Variants in SYNE2 observed in about 807,000 individuals in gnomAD.
SYNE2 encodes nesprin-2.
In SYNE2, 431 loss-of-function variants were observed where a neutral mutation model predicts 856.3. The observed-to-expected ratio is 0.50, with a 90% CI of 0.47 to 0.55. The LOEUF is 0.55. SYNE2 is among the 20% of genes least tolerant of loss of function. The probability of loss-of-function intolerance (pLI) is 0.00; values close to 1 mark genes in which losing one functional copy is unlikely to be tolerated. For missense variants in SYNE2, 8,129 were observed against 8,023.2 expected (o/e 1.01, Z -0.50); for synonymous variants, 2,923 against 2,872.3 (o/e 1.02, Z -0.56).
intron 1 of SYNE2, among the ~76,000 whole-genome samples, chr14:63,764,365 A>C (rs1233789393): frequency 2.0e-5 from 3 of 152,186 alleles, no homozygotes; most frequent in Non-Finnish European, 4.4e-5. Context: ...GCTGAGGCTA[A>C]GAAGTTCAAA....
rs777984262 is a variant in SYNE2, at chr14:64,167,394, A to G, written c.16760+7A>G. The G allele has an allele frequency of 6.2e-7, 1 of 1,614,222 alleles. No homozygotes were observed. Among genetic ancestry groups the G allele is most frequent in the South Asian group, 1.1e-5 (1 of 91,080 alleles). ...CGGCACTGGAGCGCTGCAGGTTAGA[A>G]CATCCCTTCTCTGTCGTTGTTTCAA... On this transcript the variant is annotated splice_region_variant and intron_variant, in intron 91 of 115. Transcript: ENST00000555002.
intron 1 of SYNE2, among the ~76,000 whole-genome samples, chr14:63,784,736 C>T (rs1417463894): frequency 2.0e-5 from 3 of 151,968 alleles, no homozygotes; most frequent in African/African-American, 7.3e-5. Flanking sequence ...TTTTGGGAGG[C>T]AGAGGCAGGA....
Position 64,090,966 on chromosome 14 carries a change from C to T in SYNE2, c.11894C>T (p.Pro3965Leu). ...CCCCAAACAGGAATGAAACCTCTGC[C>T]TGTGTTTCAGCGGACAAATCAGCTT... ...RLPQTGMKPLPVFQRTNQLLQ... is the reference protein window; with the variant it reads ...RLPQTGMKPLLVFQRTNQLLQ... The change falls in exon 60 of 116, where the codon CCT becomes CTT. Residue 3965 changes from proline (P) to leucine (L), a missense_variant. Transcript: ENST00000555002. 1 of 1,614,110 alleles carries T rather than the reference C, an allele frequency of 6.2e-7. No individual in the cohort carries two copies.
At position 64,025,156 on chromosome 14, in the gene SYNE2, T is replaced by C. The variant is rs780750526; in HGVS notation, c.5987T>C (p.Leu1996Ser). Reference sequence around the variant, plus strand: ...GAACAGTTTGAATCTGTGGCCCAATTGAACAACTCTTTGAAGGAATATGGG... The same window carrying C: ...GAACAGTTTGAATCTGTGGCCCAATCGAACAACTCTTTGAAGGAATATGGG... ...KREQFESVAQ[L>S]NNSLKEYGFT... Residue 1996 changes from leucine to serine, a missense_variant, in exon 41 of 116, where the codon TTG becomes TCG. Physicochemically the swap from Leu to Ser is moderately radical, Grantham distance 145. Around this residue, in one of 3 missense-constraint regions of SYNE2, gnomAD observed 2,422 missense variants for 2,357.4 expected, o/e 1.03. Coordinates refer to ENST00000555002, the MANE Select transcript of SYNE2 (RefSeq NM_182914.3). The C allele has an allele frequency of 5.3e-5, 85 of 1,614,088 alleles. No homozygotes were observed. In the East Asian group the frequency reaches 1.7e-3, roughly 31 times the overall value.
chr14:64,122,423 C>T lies in SYNE2; in HGVS notation c.13418C>T (p.Pro4473Leu). 6.2e-7 allele frequency: 1 copy of T among 1,614,148 alleles called. No homozygotes were observed. The highest frequency in any genetic ancestry group is 8.5e-7 in the Non-Finnish European group (1 of 1,180,032). Reference protein sequence around the residue: ...IKLPLPQLVEPQVSTNMGILP... With the variant: ...IKLPLPQLVELQVSTNMGILP... ...CTCCCACTCCCTCAGCTTGTGGAGC[C>T]TCAGGTCAGTCTGTATCTACATGGT... The change falls in exon 70 of 116, where the codon CCT (proline) becomes CTT (leucine). Residue 4473 changes from proline to leucine, a missense_variant. Around this residue, in one of 3 missense-constraint regions of SYNE2, gnomAD observed 5,410 missense variants for 5,284.8 expected, o/e 1.02. Transcript: ENST00000555002.
intron 9 of SYNE2, 100 bp downstream of exon 9, chr14:63,961,725 T>A: frequency 1.2e-6 from 1 of 838,618 alleles, no homozygotes; most frequent in Non-Finnish European, 2.0e-6. Flanking sequence ...AACTTAAATG[T>A]ACAGTTTAAT....
At chr14:63,949,799 C>CATAAATG in intron 6 of SYNE2, 26 bp from the exon 7 acceptor site, 5 of 1,613,486 alleles carry the variant, frequency 3.1e-6, no homozygotes, top group Non-Finnish European at 3.4e-6. Context: ...CTTTTATAAA[C>CATAAATG]GTTAAGTCTA....
Position 64,208,945 on chromosome 14 carries a change from A to G in SYNE2, c.18389A>G (p.Lys6130Arg), listed in dbSNP as rs751926971. 2 of 1,613,666 alleles carry G rather than the reference A, an allele frequency of 1.2e-6. No homozygotes were observed. The highest frequency in any genetic ancestry group is 2.7e-5 in the African/African-American group (2 of 74,944). ...GCCATGTCCATGGAGCGGCGCATGA[A>G]GTAAGAACTAAGCTCCCCCAAATGC... is the stretch of plus-strand genomic sequence containing the variant. ...ICAMSMERRM[K>R]IEETWRLWQK... The change falls in exon 101 of 116, where the codon AAA becomes AGA. Residue 6130 changes from lysine (K) to arginine (R), a missense_variant and splice_region_variant. This residue lies in a region of SYNE2 where 5,410 missense variants were observed against 5,284.8 expected (regional missense o/e 1.02). Transcript: ENST00000555002.
intron 100 of SYNE2, chr14:64,204,528 A>G (rs1668738501): frequency 6.6e-6 from 1 of 152,242 alleles, no homozygotes; most frequent in Non-Finnish European, 1.5e-5. Flanking sequence ...TAAATTGCAG[A>G]GAATTTGTTC....
At position 64,210,054 on chromosome 14, in the gene SYNE2, T is replaced by C. The variant is rs746188962; in HGVS notation, c.18653T>C (p.Met6218Thr). The change falls in exon 103 of 116, where the codon ATG becomes ACG. Residue 6218 changes from methionine to threonine, a missense_variant. Physicochemically the swap from Met to Thr is moderately conservative, Grantham distance 81 (BLOSUM62 -1). Transcript: ENST00000555002. ...GACACGGCCAGCAGGCTGAAGCAGA[T>C]GGTCCACGAGGGCAACCAGCGCTGG... ...RTDTASRLKQMVHEGNQRWDN... is the reference protein window; with the variant it reads ...RTDTASRLKQTVHEGNQRWDN... 31 of 1,614,002 alleles carry C rather than the reference T, an allele frequency of 1.9e-5. No individual in the cohort carries two copies. The highest frequency in any genetic ancestry group is 2.5e-5 in the Non-Finnish European group (30 of 1,180,040).
chr14:63,995,753 C>CTATT (rs957856866), intron 23 of SYNE2, among the ~76,000 whole-genome samples: 11 of 123,236 alleles, frequency 8.9e-5, no homozygotes, highest in East Asian at 2.4e-4. Context: ...ATCTATCTAT[C>CTATT]TATCTATCTA....
intron 48 of SYNE2, among the ~76,000 whole-genome samples, chr14:64,054,854 GTTA>G (rs1365646566): frequency 2.0e-5 from 3 of 152,114 alleles, no homozygotes; most frequent in Admixed American, 6.5e-5. Context: ...AATTCAAAGA[GTTA>G]TTATGAGATA....
intron 19 of SYNE2, among the ~76,000 whole-genome samples, chr14:63,987,218 C>A (rs939107589): frequency 3.3e-5 from 5 of 151,744 alleles, no homozygotes; most frequent in African/African-American, 1.2e-4. Context: ...ATTGCACCAC[C>A]GCACTCCAGC....
chr14:63,968,684 TA>T (rs1427841775), intron 11 of SYNE2, among the ~76,000 whole-genome samples: 1 of 152,184 alleles, frequency 6.6e-6, no homozygotes, highest in African/African-American at 2.4e-5. Context: ...TGTTAACTTT[TA>T]AAAAAATTCA....
At chr14:64,181,676 C>A (rs1425052788) in intron 96 of SYNE2, among the ~76,000 whole-genome samples, 1 of 152,126 alleles carries the variant, frequency 6.6e-6, no homozygotes, top group East Asian at 1.9e-4. Context: ...AGCCACTTGA[C>A]CAATTTGAGC....
intron 1 of SYNE2, among the ~76,000 whole-genome samples, chr14:63,769,270 G>A (rs1000981901): frequency 2.6e-5 from 4 of 152,164 alleles, no homozygotes; most frequent in African/African-American, 9.7e-5. Context: ...GAATCAGGAA[G>A]GCCATTAAAT....
intron 6 of SYNE2, among the ~76,000 whole-genome samples, chr14:63,945,921 C>G (rs1349142678): frequency 1.2e-4 from 19 of 152,280 alleles, no homozygotes; most frequent in Non-Finnish European, 1.9e-4. Context: ...ATCCTGATTT[C>G]CATCCTGCAT....
chr14:63,767,674 T>C (rs2139696137), intron 1 of SYNE2, among the ~76,000 whole-genome samples: 1 of 152,232 alleles, frequency 6.6e-6, no homozygotes, highest in East Asian at 1.9e-4. Flanking sequence ...GGCCCCTGTG[T>C]GCAAGTAATC....
chr14:63,961,868 A>T (rs2096319918), intron 9 of SYNE2, among the ~76,000 whole-genome samples: 1 of 151,738 alleles, frequency 6.6e-6, no homozygotes, highest in South Asian at 2.1e-4. Flanking sequence ...CTTTTACTGT[A>T]GATTAGTGTT....
Sources: allele counts gnomAD v4.1 joint callset (sites outside exome capture counted in the v4.1 genomes callset), GRCh38; gene constraint gnomAD v4.1.1; regional missense constraint gnomAD v4.1.1; transcripts MANE v1.5; gene names NCBI Gene and HGNC (gene_info 2026-07-23, HGNC 2026-07-21).